MIPOL1: variants seen among roughly 807,000 people sequenced by gnomAD.
MIPOL1 encodes the protein mirror-image polydactyly 1, also known as mirror-image polydactyly gene 1 protein.
MIPOL1 carries 57 observed loss-of-function variants against 60.9 expected under a neutral mutation model. That is an observed-to-expected ratio of 0.94 (90% CI 0.76 to 1.17). The LOEUF is 1.17. Ranked by LOEUF, MIPOL1 falls within the 50% of genes most tolerant of loss-of-function variation. The pLI is 0.00. For missense variants in MIPOL1, 551 were observed against 511.6 expected, an observed-to-expected ratio of 1.08 and a Z score of -0.74; for synonymous variants, 179 against 168.8, an observed-to-expected ratio of 1.06 and a Z score of -0.47.
chr14:37,425,213 G>T (rs986168423), intron 11 of MIPOL1, among the ~76,000 whole-genome samples: 1 of 152,166 alleles, frequency 6.6e-6, no homozygotes, highest in Non-Finnish European at 1.5e-5. Context: ...AAGTGACAGT[G>T]TCAGAGAATT....
intron 11 of MIPOL1, among the ~76,000 whole-genome samples, chr14:37,477,836 G>A (rs1289380687): frequency 6.6e-6 from 1 of 152,246 alleles, no homozygotes; most frequent in Non-Finnish European, 1.5e-5. Flanking sequence ...TGCATGAACA[G>A]CAGGTCACTG....
chr14:37,324,788 T>A (rs1205840254), intron 9 of MIPOL1, among the ~76,000 whole-genome samples: 1 of 152,098 alleles, frequency 6.6e-6, no homozygotes, highest in Admixed American at 6.5e-5. Flanking sequence ...GTTTCAGCAT[T>A]ATTTGTTGAG....
intron 6 of MIPOL1, among the ~76,000 whole-genome samples, chr14:37,283,881 C>T (rs2084327021): frequency 1.3e-5 from 2 of 152,132 alleles, no homozygotes; most frequent in Non-Finnish European, 2.9e-5. Context: ...ATACACCATA[C>T]TGTTTTCCAT....
At chr14:37,440,026 G>A (rs1443354951) in intron 11 of MIPOL1, among the ~76,000 whole-genome samples, 1 of 152,026 alleles carries the variant, frequency 6.6e-6, no homozygotes, top group African/African-American at 2.4e-5. Flanking sequence ...GGTCTTTTGT[G>A]TGTGAAGACA....
intron 6 of MIPOL1, chr14:37,277,594 T>TA (rs1430247302): frequency 8.3e-4 from 125 of 151,482 alleles, no homozygotes; most frequent in African/African-American, 2.9e-3. Context: ...TTTGATTCAT[T>TA]GTCTTGCTAC....
intron 11 of MIPOL1, 82 bp downstream of exon 11, chr14:37,423,031 G>T: frequency 3.8e-6 from 3 of 795,574 alleles, no homozygotes; most frequent in Non-Finnish European, 6.2e-6. Context: ...TAGTGAATGA[G>T]GAAATACCTC....
intron 11 of MIPOL1, among the ~76,000 whole-genome samples, chr14:37,424,979 T>A (rs929897004): frequency 6.6e-6 from 1 of 152,210 alleles, no homozygotes; most frequent in Non-Finnish European, 1.5e-5. Flanking sequence ...ATGTTCTACA[T>A]GCATATTTCA....
chr14:37,499,032 C>G (rs1164101781), intron 11 of MIPOL1, among the ~76,000 whole-genome samples: 4 of 152,030 alleles, frequency 2.6e-5, no homozygotes, highest in African/African-American at 7.2e-5. Flanking sequence ...TCGACATTTC[C>G]TTTGTATGCA....
chr14:37,421,764 TTCTGTAAAG>T, intron 10 of MIPOL1, among the ~76,000 whole-genome samples: 1 of 151,840 alleles, frequency 6.6e-6, no homozygotes, highest in South Asian at 2.1e-4. Flanking sequence ...AAAAGTAGCA[TTCTGTAAAG>T]TTCACTTTTA....
intron 3 of MIPOL1, among the ~76,000 whole-genome samples, chr14:37,259,752 A>G (rs1351271532): frequency 6.6e-6 from 1 of 152,136 alleles, no homozygotes; most frequent in East Asian, 1.9e-4. Flanking sequence ...TGAAATGGTC[A>G]TATTTGAGAA....
At chr14:37,446,593 T>C (rs1395050226) in intron 11 of MIPOL1, among the ~76,000 whole-genome samples, 10 of 152,168 alleles carry the variant, frequency 6.6e-5, no homozygotes, top group Admixed American at 1.3e-4. Context: ...CAAAGGATTA[T>C]AAATCATTCC....
intron 1 of MIPOL1, among the ~76,000 whole-genome samples, chr14:37,234,810 C>G (rs1277103382): frequency 1.3e-5 from 2 of 151,634 alleles, no homozygotes; most frequent in African/African-American, 4.8e-5. Flanking sequence ...GAGTCTCACT[C>G]TGTCACCCAG....
chr14:37,351,834 G>A (rs2091415545), intron 9 of MIPOL1, among the ~76,000 whole-genome samples: 2 of 147,448 alleles, frequency 1.4e-5, no homozygotes, highest in Admixed American at 6.8e-5. Flanking sequence ...AGTAGGTTGT[G>A]AAAATTTTCT....
At chr14:37,497,476 A>C (rs1292458460) in intron 11 of MIPOL1, among the ~76,000 whole-genome samples, 1 of 152,226 alleles carries the variant, frequency 6.6e-6, no homozygotes, top group Non-Finnish European at 1.5e-5. Flanking sequence ...ACAGTTTACA[A>C]AAAGCATTGC....
chr14:37,354,127 A>T (rs890627318), intron 9 of MIPOL1, among the ~76,000 whole-genome samples: 40 of 151,600 alleles, frequency 2.6e-4, no homozygotes, highest in African/African-American at 9.7e-4. Context: ...CGTTGGTTTC[A>T]AAGAACATCT....
intron 10 of MIPOL1, among the ~76,000 whole-genome samples, chr14:37,394,560 T>G (rs2093334992): frequency 6.6e-6 from 1 of 152,172 alleles, no homozygotes; most frequent in African/African-American, 2.4e-5. Context: ...TTGTATATCT[T>G]CTTTTGAGAA....
At chr14:37,525,108 T>G (rs1001983700) in intron 12 of MIPOL1, among the ~76,000 whole-genome samples, 1 of 152,218 alleles carries the variant, frequency 6.6e-6, no homozygotes, top group African/African-American at 2.4e-5. Context: ...GAGAATTATT[T>G]GAAACTTATT....
intron 10 of MIPOL1, among the ~76,000 whole-genome samples, chr14:37,407,132 T>C (rs1050841393): frequency 1.3e-5 from 2 of 152,162 alleles, no homozygotes; most frequent in African/African-American, 2.4e-5. Context: ...AATATAGAGT[T>C]GTTAAAATAA....
intron 12 of MIPOL1, among the ~76,000 whole-genome samples, chr14:37,535,673 T>A (rs111467596): frequency 0.015 from 2,288 of 152,320 alleles, 56 homozygotes; most frequent in African/African-American, 0.052. Flanking sequence ...AGACTTCATA[T>A]GATATATATC....
Sources: gnomAD v4.1 joint callset for allele counts (sites outside exome capture counted in the v4.1 genomes callset) on GRCh38, gnomAD v4.1.1 for gene constraint, MANE v1.5 for transcripts, NCBI Gene and HGNC (gene_info 2026-07-23, HGNC 2026-07-21) for gene names.